The following EXD3 variants were observed in gnomAD, a reference collection of about 807,000 sequenced individuals.
EXD3 encodes the protein exonuclease 3'-5' domain containing 3, also known as exonuclease mut-7 homolog.
EXD3 carries 92 observed loss-of-function variants against 98.0 expected under a neutral mutation model. That is an observed-to-expected ratio of 0.94 (90% CI 0.79 to 1.12). EXD3 has a LOEUF of 1.12. EXD3 is among the 50% of genes most tolerant of loss of function. EXD3 has a pLI of 0.00. For synonymous variants in EXD3, 569 were observed against 526.0 expected, an observed-to-expected ratio of 1.08 and a Z score of -1.12; for missense variants, 1,222 against 1,191.6, an observed-to-expected ratio of 1.03 and a Z score of -0.38.
At chr9:137,348,969 G>T in intron 16 of EXD3, 141 bp downstream of exon 16, 1 of 1,003,366 alleles carries the variant, frequency 1.0e-6, no homozygotes, top group Non-Finnish European at 1.4e-6. Context: ...CCAGGACTTT[G>T]CTCCCCTCTC....
At chr9:137,348,512 GC>G in intron 16 of EXD3, among the ~76,000 whole-genome samples, 1 of 117,550 alleles carries the variant, frequency 8.5e-6, no homozygotes, top group African/African-American at 3.3e-5. Flanking sequence ...CGGGGAGGGG[GC>G]TAGATAGAGA....
chr9:137,340,801 G>A (rs1039328621), intron 17 of EXD3, among the ~76,000 whole-genome samples: 14 of 152,136 alleles, frequency 9.2e-5, no homozygotes, highest in African/African-American at 3.4e-4. Flanking sequence ...TTATAGGTGA[G>A]GCCACTGCAC....
At chr9:137,418,044 C>A (rs1177689599) in intron 1 of EXD3, among the ~76,000 whole-genome samples, 1 of 152,146 alleles carries the variant, frequency 6.6e-6, no homozygotes, top group African/African-American at 2.4e-5. Flanking sequence ...GATGCCACTT[C>A]TCCTATTAAT....
chr9:137,340,552 G>T (rs948853225), intron 17 of EXD3, among the ~76,000 whole-genome samples: 2 of 151,476 alleles, frequency 1.3e-5, no homozygotes, highest in African/African-American at 2.4e-5. Context: ...TTTTAATGAG[G>T]TCTTGCTGTG....
chr9:137,387,720 C>A (rs1053524922), intron 2 of EXD3, among the ~76,000 whole-genome samples: 1 of 152,192 alleles, frequency 6.6e-6, no homozygotes, highest in East Asian at 1.9e-4. Flanking sequence ...GGAGCTGACA[C>A]CGAGGGACCT....
At chr9:137,366,047 C>A in intron 7 of EXD3, 2 of 663,358 alleles carry the variant, frequency 3.0e-6, no homozygotes, top group South Asian at 1.5e-5. Context: ...CATGCACACA[C>A]ATGCACATGG....
At chr9:137,418,909 T>C (rs753561436) in intron 1 of EXD3, among the ~76,000 whole-genome samples, 1 of 152,218 alleles carries the variant, frequency 6.6e-6, no homozygotes, top group Non-Finnish European at 1.5e-5. Flanking sequence ...AATTACCAAT[T>C]TGATTAAATG....
At chr9:137,331,159 G>A (rs574601404) in intron 17 of EXD3, among the ~76,000 whole-genome samples, 3 of 152,204 alleles carry the variant, frequency 2.0e-5, no homozygotes, top group South Asian at 2.1e-4. Context: ...AAAACTACAC[G>A]ATCATCTCAG....
Position 137,352,712 on chromosome 9 carries a change from C to G in EXD3, c.945G>C (p.Thr315=). The part of the protein sequence containing the change: ...QLLVSHSDPV[T]AAQCAMELLL... ...AGAGTTCCATGGCACACTGGGCGGCCGTGACTGGGTCACTGTGGGAGACCA... is the reference window on the plus strand; with the variant it reads ...AGAGTTCCATGGCACACTGGGCGGCGGTGACTGGGTCACTGTGGGAGACCA... Residue 315 remains threonine, a synonymous_variant, in exon 11 of 22, where the codon ACG becomes ACC. Transcript: ENST00000340951. The G allele has an allele frequency of 1.9e-6, 3 of 1,568,574 alleles. No individual in the cohort carries two copies. The highest frequency in any genetic ancestry group is 2.6e-6 in the Non-Finnish European group (3 of 1,158,386).
intron 19 of EXD3, among the ~76,000 whole-genome samples, chr9:137,310,869 A>C (rs1019267362): frequency 1.3e-5 from 2 of 152,122 alleles, no homozygotes; most frequent in African/African-American, 4.8e-5. Flanking sequence ...GGAGCAGGGA[A>C]GAGGAGGCCG....
chr9:137,365,586 T>C (rs1227939508), intron 7 of EXD3: 5 of 146,318 alleles, frequency 3.4e-5, no homozygotes, highest in Non-Finnish European at 6.6e-5. Flanking sequence ...CACACACAGG[T>C]ACACACGCAC....
At chr9:137,364,265 T>A (rs1835115243) in intron 7 of EXD3, among the ~76,000 whole-genome samples, 1 of 152,134 alleles carries the variant, frequency 6.6e-6, no homozygotes, top group Non-Finnish European at 1.5e-5. Context: ...GTCATGCTCA[T>A]GGCTATGGGG....
At chr9:137,411,459 G>A (rs1037522620) in intron 1 of EXD3, among the ~76,000 whole-genome samples, 9 of 151,862 alleles carry the variant, frequency 5.9e-5, no homozygotes, top group South Asian at 2.1e-4. Flanking sequence ...GGGACCGGCG[G>A]GACCAACAGG....
At position 137,407,370 on chromosome 9, in the gene EXD3, C is replaced by A. The variant is rs1341907974; in HGVS notation, c.-47-11966G>T. On this transcript the variant is annotated intron_variant, in intron 1 of 21. Transcript: ENST00000340951. The surrounding 1 kb of genome is among the most constrained non-coding windows in gnomAD (Gnocchi z 4.4). ...AAATACCGCAGAGGTGACTGCTCCC[C>A]CGCGAAGCCCACCCACCTGAGGTCC... is the stretch of plus-strand genomic sequence containing the variant. Among the ~76,000 whole-genome samples, 2 of 152,352 alleles carry A rather than the reference C, an allele frequency of 1.3e-5. No homozygotes were observed. The highest frequency in any genetic ancestry group is 3.4e-3 in the Middle Eastern group (1 of 294).
intron 6 of EXD3, chr9:137,367,723 G>A (rs1835338890): frequency 2.2e-5 from 12 of 533,886 alleles, no homozygotes; most frequent in South Asian, 2.1e-4. Flanking sequence ...GCTGGACACG[G>A]GGTTCGTGTA....
rs1442610953 is a variant in EXD3 at position 137,328,603 on chromosome 9, TACAC to T, written c.1999-4464_1999-4461del. Among the ~76,000 whole-genome samples, 25 of 87,812 alleles carry T rather than the reference TACAC, an allele frequency of 2.8e-4. 2 individuals are homozygous for T. Among genetic ancestry groups the T allele is most frequent in the African/African-American group, 1.7e-3 (22 of 13,330 alleles). The allele number at this position is 87,812 out of a possible 152,430, so 57.6% of individuals were successfully genotyped here. A position where few individuals can be genotyped will look rare whatever the true frequency, so the allele number is the denominator to read the frequency against. On this transcript the variant is annotated intron_variant, in intron 17 of 21. Coordinates refer to ENST00000340951, the MANE Select transcript of EXD3 (RefSeq NM_017820.5). ...GGAGCTACACGGGACTACACGGGAC[TACAC>T]GGGGCTACACGGGACTACACGGGAC...
intron 5 of EXD3, among the ~76,000 whole-genome samples, chr9:137,370,948 G>A (rs560607869): frequency 7.9e-5 from 12 of 152,308 alleles, no homozygotes; most frequent in South Asian, 6.2e-4. Flanking sequence ...ACATTGAGTC[G>A]TGAGTCCCAG....
rs1433664618 is a variant in EXD3 at position 137,417,408 on chromosome 9, GT to G, written c.-48+5705del. Among the ~76,000 whole-genome samples the G allele has an allele frequency of 1.5e-4, 23 of 152,346 alleles. 1 individual carries two copies. The South Asian group carries it at 4.6e-3, about 30-fold the overall frequency. ...CGGGTGAGGCCGAACCTGACCACGG[GT>G]TCCGCGGCGCGGAGGCCCCTGCTGA... On this transcript the variant is annotated intron_variant, in intron 1 of 21. Coordinates refer to ENST00000340951, the MANE Select transcript of EXD3 (RefSeq NM_017820.5).
Position 137,395,324 on chromosome 9 carries a change from C to T in EXD3, c.34G>A (p.Ala12Thr), listed in dbSNP as rs200247361. ...DPGDPAGDPA[A>T]GERHRMGRDP... ...TCACCCATGCGGTGGCGCTCGCCAG[C>T]GGCAGGGTCACCAGCGGGATCTCCT... is the stretch of plus-strand genomic sequence containing the variant. The change falls in exon 2 of 22, where the codon GCT (alanine) becomes ACT (threonine). Residue 12 changes from alanine (A) to threonine (T), a missense_variant. Coordinates refer to ENST00000340951, the MANE Select transcript of EXD3 (RefSeq NM_017820.5). The surrounding 1 kb of genome is among the most constrained non-coding windows in gnomAD (Gnocchi z 6.5). 1.2e-5 allele frequency: 20 copies of T among 1,613,322 alleles called. No homozygotes were observed. Among genetic ancestry groups the T allele is most frequent in the East Asian group, 4.5e-5 (2 of 44,870 alleles).
Sources: allele counts gnomAD v4.1 joint callset (sites outside exome capture counted in the v4.1 genomes callset), GRCh38; gene constraint gnomAD v4.1.1; non-coding constraint Gnocchi (gnomAD v3.1); transcripts MANE v1.5; gene names NCBI Gene and HGNC (gene_info 2026-07-23, HGNC 2026-07-21).